Variants in EFEMP1 observed in about 807,000 individuals in gnomAD.
EFEMP1 encodes EGF-like fibulin extracellular matrix protein 1.
A neutral mutation model predicts 65.7 loss-of-function variants in EFEMP1; 18 were observed. The observed-to-expected ratio is 0.27, with a 90% CI of 0.19 to 0.41. The LOEUF (loss-of-function observed/expected upper bound fraction) is 0.41. EFEMP1 is among the 10% of genes least tolerant of loss of function. EFEMP1 has a pLI of 1.00. For missense variants in EFEMP1, 469 were observed against 624.8 expected (o/e 0.75, Z 2.66); for synonymous variants, 237 against 219.7 (o/e 1.08, Z -0.70).
At chr2:55,882,040 T>G (rs55782463) in intron 5 of EFEMP1, among the ~76,000 whole-genome samples, 2,964 of 152,166 alleles carry the variant, frequency 0.019, 58 homozygotes, top group South Asian at 0.079. Context: ...CCTTGACCCA[T>G]CAGCTACCAC....
chr2:55,905,447 A>G (rs1406092912), intron 5 of EFEMP1, among the ~76,000 whole-genome samples: 1 of 152,008 alleles, frequency 6.6e-6, no homozygotes, highest in Non-Finnish European at 1.5e-5. Context: ...TTTTCCAATA[A>G]TTCTTTTTTG....
intron 5 of EFEMP1, among the ~76,000 whole-genome samples, chr2:55,888,746 A>G (rs1669523072): frequency 6.6e-6 from 1 of 152,172 alleles, no homozygotes; most frequent in Non-Finnish European, 1.5e-5. Context: ...AAACAGCAAC[A>G]TCAGTCTTTG....
chr2:55,893,373 A>G (rs1362143658), intron 5 of EFEMP1, among the ~76,000 whole-genome samples: 1 of 152,164 alleles, frequency 6.6e-6, no homozygotes, highest in African/African-American at 2.4e-5. Flanking sequence ...AAGTCTGAGA[A>G]TCACAGAATA....
At position 55,885,760 on chromosome 2, in the gene EFEMP1, T is replaced by A. The variant is rs1669400072; in HGVS notation, c.518-4026A>T. 6.6e-6 allele frequency among the ~76,000 whole-genome samples: 1 copy of A among 152,104 alleles called. No individual in the cohort carries two copies. The highest frequency in any genetic ancestry group is 2.1e-4 in the South Asian group (1 of 4,814). ...CCCCCACGTCTAGGGAACCGCACAT[T>A]TGATTTTCTCTCAAAGTTAATGGAG... On this transcript the variant is annotated intron_variant, in intron 5 of 11. Transcript: ENST00000355426. The surrounding 1 kb of genome is among the most constrained non-coding windows in gnomAD (Gnocchi z 4.3).
At chr2:55,891,573 G>A (rs916338906) in intron 5 of EFEMP1, among the ~76,000 whole-genome samples, 2 of 152,048 alleles carry the variant, frequency 1.3e-5, no homozygotes, top group Admixed American at 6.6e-5. Flanking sequence ...GCTTTGTATA[G>A]CTGTGAAGTT....
chr2:55,905,395 G>A (rs1474373469), intron 5 of EFEMP1, among the ~76,000 whole-genome samples: 3 of 152,120 alleles, frequency 2.0e-5, no homozygotes, highest in Non-Finnish European at 4.4e-5. Flanking sequence ...TTTTGGTAAT[G>A]TGTAAAGTCT....
At position 55,883,854 on chromosome 2, in the gene EFEMP1, G is replaced by A. The variant is rs1302288085; in HGVS notation, c.518-2120C>T. Among the ~76,000 whole-genome samples the A allele has an allele frequency of 6.6e-6, 1 of 152,076 alleles. No individual in the cohort carries two copies. Among genetic ancestry groups the A allele is most frequent in the Non-Finnish European group, 1.5e-5 (1 of 68,002 alleles). On this transcript the variant is annotated intron_variant, in intron 5 of 11. Transcript: ENST00000355426. The surrounding 1 kb of genome is among the most constrained non-coding windows in gnomAD (Gnocchi z 4.5). ...AATGAGGTCTGTTTACCTTCTGAGT[G>A]GGTTATTTAATAAAAATATTAGGTG... is the stretch of plus-strand genomic sequence containing the variant.
In EFEMP1 at chr2:55,886,802, T is replaced by A. The variant is rs1669437421; in HGVS notation, c.518-5068A>T. ...GTATTTGGAGTATTTTGTTTTTCAA[T>A]ATAATCCTGGAAGGTAAGAATTACT... On this transcript the variant is annotated intron_variant, in intron 5 of 11. Coordinates refer to ENST00000355426, the MANE Select transcript of EFEMP1 (RefSeq NM_001039348.3). The surrounding 1 kb of genome is among the most constrained non-coding windows in gnomAD (Gnocchi z 4.0). Among the ~76,000 whole-genome samples the A allele has an allele frequency of 6.6e-6, 1 of 152,196 alleles. No individual in the cohort carries two copies. Among genetic ancestry groups the A allele is most frequent in the Admixed American group, 6.5e-5 (1 of 15,274 alleles).
chr2:55,903,783 G>A (rs1572832851), intron 5 of EFEMP1, among the ~76,000 whole-genome samples: 1 of 152,020 alleles, frequency 6.6e-6, no homozygotes, highest in East Asian at 1.9e-4. Context: ...AAATATATAT[G>A]CATGTATACA....
intron 6 of EFEMP1, among the ~76,000 whole-genome samples, chr2:55,880,421 CT>C (rs940180263): frequency 1.1e-4 from 16 of 152,260 alleles, no homozygotes; most frequent in Admixed American, 8.5e-4. Flanking sequence ...AATGGCCAAA[CT>C]TTGTTATCTC....
intron 6 of EFEMP1, among the ~76,000 whole-genome samples, chr2:55,878,140 T>A (rs1377272180): frequency 6.6e-6 from 1 of 152,178 alleles, no homozygotes; most frequent in Non-Finnish European, 1.5e-5. Flanking sequence ...CTATTGCATA[T>A]ATATATAAGA....
chr2:55,887,937 A>C (rs1179656002), intron 5 of EFEMP1, among the ~76,000 whole-genome samples: 1 of 152,178 alleles, frequency 6.6e-6, no homozygotes, highest in South Asian at 2.1e-4. Flanking sequence ...ATGATGACGG[A>C]TTTGCATTGC....
rs145772509 is a variant in EFEMP1, at chr2:55,895,869, C to A, written c.518-14135G>T. On this transcript the variant is annotated intron_variant, in intron 5 of 11. Coordinates refer to ENST00000355426, the MANE Select transcript of EFEMP1 (RefSeq NM_001039348.3). ...TTATCTTTTTTAAGAAAGAGAATTG[C>A]AGCAAACTCACTATCTCTGGAAACT... is the stretch of plus-strand genomic sequence containing the variant. Among the ~76,000 whole-genome samples the A allele has an allele frequency of 9.2e-5, 14 of 152,236 alleles. No homozygotes were observed. In the East Asian group the frequency reaches 2.7e-3, roughly 30 times the overall value.
intron 5 of EFEMP1, among the ~76,000 whole-genome samples, chr2:55,905,496 G>A (rs757438665): frequency 6.6e-6 from 1 of 152,110 alleles, no homozygotes; most frequent in Non-Finnish European, 1.5e-5. Context: ...TGCCCAGGCT[G>A]GAGTACAATG....
In EFEMP1 at chr2:55,923,397, A is replaced by T. The variant is rs540457174; in HGVS notation, c.-49+314T>A. ...CTTCTAACCAGCTCCTATGGAATCC[A>T]GGTGCGGCTTAAATCTCGCACACTG... On this transcript the variant is annotated intron_variant, in intron 1 of 11. Transcript: ENST00000355426. The surrounding 1 kb of genome is among the most constrained non-coding windows in gnomAD (Gnocchi z 5.3). Among the ~76,000 whole-genome samples the T allele has an allele frequency of 1.4e-4, 21 of 152,284 alleles. No individual in the cohort carries two copies. The highest frequency in any genetic ancestry group is 4.6e-4 in the African/African-American group (19 of 41,572).
Position 55,883,003 on chromosome 2 carries a change from G to A in EFEMP1, c.518-1269C>T, listed in dbSNP as rs923912263. Among the ~76,000 whole-genome samples, 2 of 152,108 alleles carry A rather than the reference G, an allele frequency of 1.3e-5. No homozygotes were observed. The highest frequency in any genetic ancestry group is 4.8e-5 in the African/African-American group (2 of 41,410). ...TTTCTGTATTTTCAAGGAGGACTGCGCATTTACACTATGCAGTATAATAAT... is the reference window on the plus strand; with the variant it reads ...TTTCTGTATTTTCAAGGAGGACTGCACATTTACACTATGCAGTATAATAAT... On this transcript the variant is annotated intron_variant, in intron 5 of 11. Coordinates refer to ENST00000355426, the MANE Select transcript of EFEMP1 (RefSeq NM_001039348.3). The surrounding 1 kb of genome is among the most constrained non-coding windows in gnomAD (Gnocchi z 4.5).
At chr2:55,900,603 A>C (rs919797720) in intron 5 of EFEMP1, among the ~76,000 whole-genome samples, 2 of 152,224 alleles carry the variant, frequency 1.3e-5, no homozygotes, top group African/African-American at 4.8e-5. Flanking sequence ...TTACCAAAAA[A>C]ACCCAAAACT....
At chr2:55,894,794 G>A (rs972345124) in intron 5 of EFEMP1, among the ~76,000 whole-genome samples, 1 of 152,184 alleles carries the variant, frequency 6.6e-6, no homozygotes, top group Non-Finnish European at 1.5e-5. Context: ...GTAAGAGAGA[G>A]TATTAACAAA....
rs71713705 is a variant in EFEMP1 at position 55,888,334 on chromosome 2, C to CTTTTTTTTTTTTTTTT, written c.518-6616_518-6601dup. 3.5e-5 allele frequency among the ~76,000 whole-genome samples: 4 copies of CTTTTTTTTTTTTTTTT among 114,308 alleles called. 1 individual carries two copies. Among genetic ancestry groups the CTTTTTTTTTTTTTTTT allele is most frequent in the Non-Finnish European group, 1.7e-5 (1 of 57,308 alleles). The allele number at this position is 114,308 out of a possible 152,430, so 75.0% of individuals were successfully genotyped here. A position where few individuals can be genotyped will look rare whatever the true frequency, so the allele number is the denominator to read the frequency against. On this transcript the variant is annotated intron_variant, in intron 5 of 11. Transcript: ENST00000355426. ...AAACTCTTTTTTTTTCCTTCTTAAA[C>CTTTTTTTTTTTTTTTT]TTTTTTTTTTTTTTTTTTTTTGAGA...
Sources: allele counts gnomAD v4.1 joint callset (sites outside exome capture counted in the v4.1 genomes callset), GRCh38; gene constraint gnomAD v4.1.1; non-coding constraint Gnocchi (gnomAD v3.1); transcripts MANE v1.5; gene names NCBI Gene and HGNC (gene_info 2026-07-23, HGNC 2026-07-21).